ZNF423: variants seen among roughly 807,000 people sequenced by gnomAD.
ZNF423 encodes the protein Ebf-associated zinc finger protein.
Under a neutral mutation model 95.8 loss-of-function variants are expected in ZNF423, and 12 were observed. That is an observed-to-expected ratio of 0.13 (90% CI 0.08 to 0.20). The LOEUF is 0.20. Among genes scored for constraint, ZNF423 ranks in the 10% least tolerant of loss-of-function variants. The probability of loss-of-function intolerance (pLI) is 1.00; values close to 1 mark genes in which losing one functional copy is unlikely to be tolerated. For synonymous variants in ZNF423, 749 were observed against 711.9 expected (o/e 1.05, Z -0.83); for missense variants, 1,316 against 1,737.1 (o/e 0.76, Z 4.31).
intron 7 of ZNF423, among the ~76,000 whole-genome samples, chr16:49,508,912 A>G (rs1967766952): frequency 2.6e-5 from 4 of 152,210 alleles, no homozygotes. Flanking sequence ...AATATGACCA[A>G]TTAAACTACA....
chr16:49,797,922 T>A (rs1875276654), intron 1 of ZNF423, among the ~76,000 whole-genome samples: 1 of 110,406 alleles, frequency 9.1e-6, no homozygotes, highest in Non-Finnish European at 2.0e-5. Flanking sequence ...AGAAACCGAT[T>A]TTTTAGGCCA....
At chr16:49,799,034 G>A (rs1273215149) in intron 1 of ZNF423, among the ~76,000 whole-genome samples, 2 of 152,178 alleles carry the variant, frequency 1.3e-5, no homozygotes, top group African/African-American at 4.8e-5. Flanking sequence ...AGGTAGAGGA[G>A]GGAACCTGGA....
chr16:49,755,324 G>A (rs1386874230), intron 2 of ZNF423, among the ~76,000 whole-genome samples: 2 of 152,234 alleles, frequency 1.3e-5, no homozygotes, highest in Non-Finnish European at 2.9e-5. Context: ...CCGCCTCCTC[G>A]CCCGCTTTCC....
chr16:49,592,136 G>T (rs1235008009), intron 5 of ZNF423, among the ~76,000 whole-genome samples: 1 of 152,216 alleles, frequency 6.6e-6, no homozygotes, highest in African/African-American at 2.4e-5. Context: ...CTACTTTTCT[G>T]TATAAATATC....
intron 1 of ZNF423, among the ~76,000 whole-genome samples, chr16:49,822,329 A>G (rs1567359805): frequency 6.6e-6 from 1 of 152,008 alleles, no homozygotes; most frequent in African/African-American, 2.4e-5. Flanking sequence ...GCCCACCACC[A>G]CGCCTGGCTA....
At chr16:49,857,348 C>T (rs1027633494), upstream of ZNF423, among the ~76,000 whole-genome samples, 2 of 150,594 alleles carry the variant, frequency 1.3e-5, no homozygotes, top group African/African-American at 2.4e-5. The surrounding 1 kb of genome is among the most constrained non-coding windows in gnomAD (Gnocchi z 6.2). Flanking sequence ...CGGGCGCGGG[C>T]ACCGCACCAG....
At chr16:49,529,036 C>T (rs1052738102) in intron 5 of ZNF423, among the ~76,000 whole-genome samples, 1 of 151,886 alleles carries the variant, frequency 6.6e-6, no homozygotes, top group African/African-American at 2.4e-5. Context: ...AATGACAAAG[C>T]TGTCTGGGAG....
At chr16:49,812,446 C>A (rs1486171872) in intron 1 of ZNF423, among the ~76,000 whole-genome samples, 1 of 152,176 alleles carries the variant, frequency 6.6e-6, no homozygotes, top group Non-Finnish European at 1.5e-5. Context: ...GTAATCCCAG[C>A]ACTCTAGGAG....
At chr16:49,621,861 T>C (rs1165746483) in intron 5 of ZNF423, among the ~76,000 whole-genome samples, 1 of 152,232 alleles carries the variant, frequency 6.6e-6, no homozygotes, top group East Asian at 1.9e-4. Context: ...ACAAGCCACA[T>C]CTAAGTTCCA....
intron 1 of ZNF423, among the ~76,000 whole-genome samples, chr16:49,792,907 G>A (rs954563491): frequency 1.3e-5 from 2 of 152,082 alleles, no homozygotes; most frequent in South Asian, 2.1e-4. Flanking sequence ...GACTATAAGC[G>A]TGTGCCACTT....
At chr16:49,660,673 A>G (rs1481606526) in intron 3 of ZNF423, among the ~76,000 whole-genome samples, 6 of 152,140 alleles carry the variant, frequency 3.9e-5, no homozygotes, top group African/African-American at 1.4e-4. Context: ...ATTTGTTATG[A>G]TTTTATTTGA....
At chr16:49,674,276 T>C (rs961768216) in intron 3 of ZNF423, among the ~76,000 whole-genome samples, 1 of 152,190 alleles carries the variant, frequency 6.6e-6, no homozygotes, top group African/African-American at 2.4e-5. Flanking sequence ...CAACAGCTGA[T>C]GTTCCAGTAA....
At chr16:49,543,494 G>C (rs898777378) in intron 5 of ZNF423, among the ~76,000 whole-genome samples, 9 of 152,196 alleles carry the variant, frequency 5.9e-5, no homozygotes, top group Non-Finnish European at 2.9e-5. Flanking sequence ...AGTCCTCTGC[G>C]GGAGCGGATC....
rs1484066548 is a variant in ZNF423, at chr16:49,730,784, G to A, written c.288C>T (p.His96=). 6.2e-6 allele frequency: 10 copies of A among 1,614,110 alleles called. No individual in the cohort carries two copies. Among genetic ancestry groups the A allele is most frequent in the East Asian group, 2.2e-5 (1 of 44,898 alleles). Residue 96 remains histidine (H), a synonymous_variant, in exon 3 of 8, where the codon CAC becomes CAT. Coordinates refer to ENST00000563137, the MANE Select transcript of ZNF423 (RefSeq NM_001379286.1). ...GTTTTGCATTACCTCCAGGACAGCG[G>A]TGGGCCCGGTGGTCCGTCAGGTCTG... ...SLADLTDHRA[H]RCPGDGDDDP...
At chr16:49,553,072 TA>T (rs992578261) in intron 5 of ZNF423, among the ~76,000 whole-genome samples, 22 of 151,916 alleles carry the variant, frequency 1.4e-4, no homozygotes, top group African/African-American at 4.1e-4. Context: ...AATATTAATT[TA>T]AAAAAAATAT....
intron 2 of ZNF423, among the ~76,000 whole-genome samples, chr16:49,737,185 A>C (rs1434129372): frequency 6.6e-6 from 1 of 152,032 alleles, no homozygotes; most frequent in African/African-American, 2.4e-5. Flanking sequence ...GAAAAAAAAA[A>C]AACAAGGCTC....
At chr16:49,683,327 C>T (rs2031441107) in intron 3 of ZNF423, among the ~76,000 whole-genome samples, 1 of 152,182 alleles carries the variant, frequency 6.6e-6, no homozygotes, top group Non-Finnish European at 1.5e-5. Flanking sequence ...GGAGAAAGAG[C>T]TACAAATAAC....
intron 3 of ZNF423, among the ~76,000 whole-genome samples, chr16:49,669,329 C>CA (rs1036075505): frequency 1.3e-3 from 138 of 108,972 alleles, no homozygotes; most frequent in East Asian, 9.2e-3. Context: ...AACTCCGTCT[C>CA]AAAAAAAAAA....
At position 49,729,540 on chromosome 16, in the gene ZNF423, A is replaced by G. The variant is rs960504725; in HGVS notation, c.301+1231T>C. ...TCTGATTTAGAATTGAAAATTAACCATCACCTCTGCCTCTGGTTGCAATAT... is the reference window on the plus strand; with the variant it reads ...TCTGATTTAGAATTGAAAATTAACCGTCACCTCTGCCTCTGGTTGCAATAT... On this transcript the variant is annotated intron_variant, in intron 3 of 7. Transcript: ENST00000563137. 1.8e-4 allele frequency among the ~76,000 whole-genome samples: 28 copies of G among 152,000 alleles called. 1 individual carries two copies. The highest frequency in any genetic ancestry group is 6.8e-4 in the African/African-American group (28 of 41,400).
Sources: gnomAD v4.1 joint callset for allele counts (sites outside exome capture counted in the v4.1 genomes callset) on GRCh38, gnomAD v4.1.1 for gene constraint, Gnocchi (gnomAD v3.1) non-coding constraint, MANE v1.5 for transcripts, NCBI Gene and HGNC (gene_info 2026-07-23, HGNC 2026-07-21) for gene names.